The following HIKESHI variants were observed in gnomAD, a reference collection of about 807,000 sequenced individuals.
The protein encoded by HIKESHI is heat shock protein nuclear import factor hikeshi, also known as protein Hikeshi.
HIKESHI carries 13 observed loss-of-function variants against 25.7 expected under a neutral mutation model. The ratio of observed to expected loss-of-function variants is 0.51; its 90% CI spans 0.33 to 0.80. The LOEUF is 0.80. HIKESHI is among the 30% of genes least tolerant of loss of function. HIKESHI has a pLI of 0.02. For synonymous variants in HIKESHI, 76 were observed against 78.7 expected (o/e 0.97, Z 0.18); for missense variants, 174 against 229.5 (o/e 0.76, Z 1.56).
At chr11:86,311,036 C>T (rs943455403) in intron 2 of HIKESHI, among the ~76,000 whole-genome samples, 3 of 151,988 alleles carry the variant, frequency 2.0e-5, no homozygotes, top group Non-Finnish European at 2.9e-5. Context: ...TTTTTGTTGT[C>T]TCTGCTAGGC....
In HIKESHI at chr11:86,345,653, T is replaced by C. The variant is rs757067977; in HGVS notation, c.*15T>C. The C allele has an allele frequency of 8.2e-6, 12 of 1,465,094 alleles. 1 individual carries two copies. In the South Asian group the frequency reaches 1.5e-4, roughly 18 times the overall value. The allele number at this position is 1,465,094 out of a possible 1,614,324, so 90.8% of individuals were successfully genotyped here. A position where few individuals can be genotyped will look rare whatever the true frequency, so the allele number is the denominator to read the frequency against. ...GGAAAACATAATTTGAATAAAATAA[T>C]TTTTAATGGATTCTGAAATTTGTCA... On this transcript the variant is annotated 3_prime_UTR_variant, in exon 5 of 5. Transcript: ENST00000278483.
chr11:86,345,154 G>C (rs1057391538), intron 4 of HIKESHI: 4 of 1,041,012 alleles, frequency 3.8e-6, no homozygotes, highest in Non-Finnish European at 4.6e-6. Context: ...AGTTTGTTGA[G>C]AAGTGGTACC....
intron 2 of HIKESHI, among the ~76,000 whole-genome samples, chr11:86,313,855 G>A (rs1438203529): frequency 6.6e-6 from 1 of 152,174 alleles, no homozygotes; most frequent in African/African-American, 2.4e-5. Flanking sequence ...GTAGGACTTT[G>A]TCAGGCCTAT....
Position 86,313,925 on chromosome 11 carries a change from C to T in HIKESHI, c.268+7443C>T, listed in dbSNP as rs185809940. 3.2e-3 allele frequency among the ~76,000 whole-genome samples: 494 copies of T among 152,036 alleles called. 5 individuals carry two copies. The highest frequency in any genetic ancestry group is 5.4e-3 in the Non-Finnish European group (367 of 67,974). On this transcript the variant is annotated intron_variant, in intron 2 of 4. Transcript: ENST00000278483. ...GTAATAGAGGCATAAGGTGAAAGTT[C>T]GAAAGCATTGTGTCCTCAGATTGAC... is the stretch of plus-strand genomic sequence containing the variant.
intron 2 of HIKESHI, among the ~76,000 whole-genome samples, chr11:86,312,491 A>G (rs994000052): frequency 1.3e-5 from 2 of 152,148 alleles, no homozygotes; most frequent in East Asian, 1.9e-4. Flanking sequence ...CAGCACACCG[A>G]TGGGTCTTGA....
chr11:86,325,073 G>T (rs1947239602), intron 2 of HIKESHI, among the ~76,000 whole-genome samples: 1 of 152,012 alleles, frequency 6.6e-6, no homozygotes, highest in South Asian at 2.1e-4. Context: ...CACTACTTGG[G>T]AGGCTGAAGT....
intron 2 of HIKESHI, among the ~76,000 whole-genome samples, chr11:86,311,085 A>G (rs567604407): frequency 6.6e-5 from 10 of 152,314 alleles, no homozygotes; most frequent in South Asian, 4.1e-4. Flanking sequence ...GAAATGAATT[A>G]GGGAGGATTC....
rs572294611 is a variant in HIKESHI at position 86,325,951 on chromosome 11, C to A, written c.269-11428C>A. Among the ~76,000 whole-genome samples the A allele has an allele frequency of 6.4e-4, 97 of 151,606 alleles. 1 individual carries two copies. The highest frequency in any genetic ancestry group is 2.3e-3 in the African/African-American group (94 of 41,356). On this transcript the variant is annotated intron_variant, in intron 2 of 4. Transcript: ENST00000278483. ...TGGGAAGGTTTAAAGAGGTTCCTTA[C>A]AGTTTTGGCTTCAGATGCTGGTTTT...
intron 2 of HIKESHI, among the ~76,000 whole-genome samples, chr11:86,314,147 C>T (rs1037376344): frequency 1.6e-4 from 24 of 152,116 alleles, no homozygotes; most frequent in Non-Finnish European, 3.2e-4. Context: ...TCATGTATCC[C>T]TCCCCCAAAA....
intron 2 of HIKESHI, among the ~76,000 whole-genome samples, chr11:86,330,652 C>T (rs1947398238): frequency 6.6e-6 from 1 of 152,214 alleles, no homozygotes; most frequent in South Asian, 2.1e-4. Flanking sequence ...TAAGTCTCCT[C>T]AGTGAAGTTC....
chr11:86,319,628 TTA>T (rs34557821), intron 2 of HIKESHI, among the ~76,000 whole-genome samples: 87,129 of 151,530 alleles, frequency 0.57, 25,582 homozygotes, highest in East Asian at 0.79. Flanking sequence ...CTCAAAAGTT[TTA>T]TGTTTATATA....
intron 2 of HIKESHI, among the ~76,000 whole-genome samples, chr11:86,320,118 A>AT (rs1450991921): frequency 2.0e-5 from 3 of 152,298 alleles, no homozygotes; most frequent in Non-Finnish European, 4.4e-5. Flanking sequence ...ACTTAAAACA[A>AT]TTTTTTTAAA....
Position 86,302,340 on chromosome 11 carries a change from C to CA in HIKESHI, c.-108dup. 1 of 1,365,822 alleles carries CA rather than the reference C, an allele frequency of 7.3e-7. No individual in the cohort carries two copies. The highest frequency in any genetic ancestry group is 1.0e-6 in the Non-Finnish European group (1 of 986,368). The allele number at this position is 1,365,822 out of a possible 1,614,324, so 84.6% of individuals were successfully genotyped here. A position where few individuals can be genotyped will look rare whatever the true frequency, so the allele number is the denominator to read the frequency against. The stretch of plus-strand genomic sequence containing the variant: ...AGTCACTATGTAGTGGAGGGGCAGA[C>CA]ACCCTCCCGCAAATTCTGGAAGGTT... On this transcript the variant is annotated 5_prime_UTR_variant, in exon 1 of 5. Coordinates refer to ENST00000278483, the MANE Select transcript of HIKESHI (RefSeq NM_016401.4).
In HIKESHI at chr11:86,344,618, T is replaced by C. The variant is rs768659728; in HGVS notation, c.436T>C (p.Leu146=). 1.9e-5 allele frequency: 31 copies of C among 1,595,748 alleles called. No individual in the cohort carries two copies. In the Admixed American group the frequency reaches 3.2e-4, roughly 16 times the overall value. Residue 146 remains leucine, a synonymous_variant, in exon 4 of 5, where the codon TTG becomes CTG. Transcript: ENST00000278483. The part of the protein sequence containing the change: ...DSFTQFTQKM[L]DNFYNFASSF... The stretch of plus-strand genomic sequence containing the variant: ...AACTTTTCAGTTCACACAAAAGATG[T>C]TGGACAATTTCTACAATTTTGCTTC...
chr11:86,313,782 A>C (rs1465545041), intron 2 of HIKESHI, among the ~76,000 whole-genome samples: 1 of 152,072 alleles, frequency 6.6e-6, no homozygotes, highest in Non-Finnish European at 1.5e-5. Flanking sequence ...GTAGCAATTA[A>C]CTCGTAAGTG....
chr11:86,343,089 G>T (rs1048796634), intron 3 of HIKESHI, among the ~76,000 whole-genome samples: 2 of 152,166 alleles, frequency 1.3e-5, no homozygotes, highest in African/African-American at 4.8e-5. Flanking sequence ...ATTGAACATG[G>T]TATATCTTTC....
At chr11:86,337,994 A>G (rs774919825) in intron 3 of HIKESHI, among the ~76,000 whole-genome samples, 10 of 152,152 alleles carry the variant, frequency 6.6e-5, no homozygotes, top group Non-Finnish European at 1.0e-4. Context: ...GCTACTTAAC[A>G]TATCAGTCAC....
At chr11:86,307,382 A>AATT (rs1946663738) in intron 2 of HIKESHI, among the ~76,000 whole-genome samples, 1 of 38,048 alleles carries the variant, frequency 2.6e-5, no homozygotes, top group Non-Finnish European at 4.9e-5. Flanking sequence ...ATTATATATC[A>AATT]ATATATTATG....
chr11:86,332,865 G>T (rs1177208286), intron 2 of HIKESHI, among the ~76,000 whole-genome samples: 2 of 152,166 alleles, frequency 1.3e-5, no homozygotes, highest in African/African-American at 4.8e-5. Context: ...TGTGGGCCTT[G>T]GTTTGTCATT....
Sources: gnomAD v4.1 joint callset for allele counts (sites outside exome capture counted in the v4.1 genomes callset) on GRCh38, gnomAD v4.1.1 for gene constraint, MANE v1.5 for transcripts, NCBI Gene and HGNC (gene_info 2026-07-23, HGNC 2026-07-21) for gene names.